CAMTA1: variants seen among roughly 807,000 people sequenced by gnomAD.
The protein encoded by CAMTA1 is calmodulin-binding transcription activator 1.
A neutral mutation model predicts 170.9 loss-of-function variants in CAMTA1; 27 were observed. That is an observed-to-expected ratio of 0.16 (90% CI 0.12 to 0.22). The LOEUF (loss-of-function observed/expected upper bound fraction) is 0.22. CAMTA1 is among the 10% of genes least tolerant of loss of function. The probability of loss-of-function intolerance (pLI) is 1.00; values close to 1 mark genes in which losing one functional copy is unlikely to be tolerated. For missense variants in CAMTA1, 1,619 were observed against 2,217.2 expected (o/e 0.73, Z 5.42); for synonymous variants, 833 against 891.5 (o/e 0.93, Z 1.17).
chr1:7,544,182 A>G (rs1444703457), intron 6 of CAMTA1, among the ~76,000 whole-genome samples: 7 of 152,216 alleles, frequency 4.6e-5, no homozygotes, highest in East Asian at 3.8e-4. Context: ...GGTGGGAAGC[A>G]AAAGGCACTT....
At chr1:6,888,218 G>A (rs149068330) in intron 3 of CAMTA1, 40 of 985,962 alleles carry the variant, frequency 4.1e-5, no homozygotes, top group East Asian at 3.4e-4. Flanking sequence ...GGTCACTTGC[G>A]TCGCATCCTT....
intron 5 of CAMTA1, among the ~76,000 whole-genome samples, chr1:7,414,737 G>T (rs2091039081): frequency 6.6e-6 from 1 of 151,708 alleles, no homozygotes; most frequent in African/African-American, 2.4e-5. Flanking sequence ...TTTTTGAAGG[G>T]TTTTTTGTGT....
intron 3 of CAMTA1, among the ~76,000 whole-genome samples, chr1:6,948,170 C>T (rs1687870116): frequency 6.6e-6 from 1 of 152,124 alleles, no homozygotes; most frequent in South Asian, 2.1e-4. Flanking sequence ...AAGTAAGTTG[C>T]CCAAGGGTGT....
chr1:7,147,266 AAAAC>A (rs1474743521), intron 4 of CAMTA1, among the ~76,000 whole-genome samples: 3 of 152,088 alleles, frequency 2.0e-5, no homozygotes, highest in African/African-American at 7.2e-5. Flanking sequence ...TAAAAATACA[AAAAC>A]AAAATTAGCT....
At chr1:7,153,058 G>GCT (rs2148699428) in intron 4 of CAMTA1, among the ~76,000 whole-genome samples, 1 of 152,354 alleles carries the variant, frequency 6.6e-6, no homozygotes, top group Non-Finnish European at 1.5e-5. Context: ...GACACTTGAA[G>GCT]CAAGTTAGGT....
rs534614952 is a variant in CAMTA1 at position 7,606,372 on chromosome 1, G to A, written c.511-34028G>A. Reference sequence around the variant, plus strand: ...GATGGCACTTGTTGGGCAGCAATGTGTGACACTCCCTCTAGAGGCTCAGAT... The same window carrying A: ...GATGGCACTTGTTGGGCAGCAATGTATGACACTCCCTCTAGAGGCTCAGAT... On this transcript the variant is annotated intron_variant, in intron 6 of 22. Transcript: ENST00000303635. Among the ~76,000 whole-genome samples the A allele has an allele frequency of 6.2e-4, 94 of 152,318 alleles. 1 individual carries two copies. Among genetic ancestry groups the A allele is most frequent in the South Asian group, 1.9e-3 (9 of 4,822 alleles).
intron 11 of CAMTA1, among the ~76,000 whole-genome samples, chr1:7,730,990 T>C (rs1477719835): frequency 4.6e-5 from 7 of 151,892 alleles, no homozygotes; most frequent in Admixed American, 4.6e-4. Flanking sequence ...TATATAGATA[T>C]ACATATATGA....
chr1:7,769,686 A>G lies in CAMTA1; in HGVS notation c.*3195A>G, dbSNP rs2097044948. 3 of 152,458 alleles carry G rather than the reference A, an allele frequency of 2.0e-5. No homozygotes were observed. The highest frequency in any genetic ancestry group is 2.0e-4 in the Admixed American group (3 of 15,288). The allele number at this position is 152,458 out of a possible 1,614,324, so 9.4% of individuals were successfully genotyped here. A position where few individuals can be genotyped will look rare whatever the true frequency, so the allele number is the denominator to read the frequency against. ...TATATTCTTTCTGCTGTAAATTAAAAATGAAGAAAATTTCCCCATACTACG... is the reference window on the plus strand; with the variant it reads ...TATATTCTTTCTGCTGTAAATTAAAGATGAAGAAAATTTCCCCATACTACG... On this transcript the variant is annotated 3_prime_UTR_variant, in exon 23 of 23. Coordinates refer to ENST00000303635, the MANE Select transcript of CAMTA1 (RefSeq NM_015215.4).
At chr1:7,118,706 G>A (rs1443725568) in intron 4 of CAMTA1, among the ~76,000 whole-genome samples, 1 of 152,154 alleles carries the variant, frequency 6.6e-6, no homozygotes. Flanking sequence ...CGGTGCGCTA[G>A]ATGAATAGCA....
Position 7,090,524 on chromosome 1 carries a change from G to A in CAMTA1, c.235-780G>A, listed in dbSNP as rs149838034. On this transcript the variant is annotated intron_variant, in intron 3 of 22. Coordinates refer to ENST00000303635, the MANE Select transcript of CAMTA1 (RefSeq NM_015215.4). ...CATGTTAGCAGATCCTTTCGGAGGT[G>A]GAAGTAATGGGCCATATCATGCCTC... 4.6e-5 allele frequency among the ~76,000 whole-genome samples: 7 copies of A among 152,286 alleles called. No homozygotes were observed. The East Asian group carries it at 7.7e-4, about 17-fold the overall frequency.
chr1:6,806,996 C>T (rs1226095354), intron 1 of CAMTA1: 1 of 639,240 alleles, frequency 1.6e-6, no homozygotes, highest in Middle Eastern at 2.4e-4. Context: ...CAAGGAAGGA[C>T]AGACCCAGTC....
At chr1:7,501,780 G>A (rs1304259872) in intron 6 of CAMTA1, among the ~76,000 whole-genome samples, 2 of 152,066 alleles carry the variant, frequency 1.3e-5, no homozygotes, top group Non-Finnish European at 2.9e-5. Context: ...CTTTCACACC[G>A]ATTTCATCCA....
chr1:7,025,595 C>A (rs1430199658), intron 3 of CAMTA1, among the ~76,000 whole-genome samples: 1 of 152,164 alleles, frequency 6.6e-6, no homozygotes, highest in South Asian at 2.1e-4. Flanking sequence ...GGAGAGAAAG[C>A]TGAATAATTC....
At chr1:7,520,548 CT>C (rs1317245691) in intron 6 of CAMTA1, among the ~76,000 whole-genome samples, 2 of 151,632 alleles carry the variant, frequency 1.3e-5, no homozygotes, top group Admixed American at 1.3e-4. Context: ...GTGGGAGTGT[CT>C]CTCCCACAGA....
At chr1:7,606,510 G>A (rs1262917061) in intron 6 of CAMTA1, among the ~76,000 whole-genome samples, 1 of 152,080 alleles carries the variant, frequency 6.6e-6, no homozygotes, top group Non-Finnish European at 1.5e-5. Flanking sequence ...TTATTTTCTT[G>A]AACAATTACC....
chr1:7,500,827 C>T (rs966528810), intron 6 of CAMTA1, among the ~76,000 whole-genome samples: 2 of 152,098 alleles, frequency 1.3e-5, no homozygotes, highest in Admixed American at 6.5e-5. Flanking sequence ...CAGCAAGTCT[C>T]GGTGACATCA....
At chr1:7,139,125 T>G (rs981047867) in intron 4 of CAMTA1, among the ~76,000 whole-genome samples, 4 of 111,152 alleles carry the variant, frequency 3.6e-5, no homozygotes, top group Non-Finnish European at 7.1e-5. Flanking sequence ...AAATATATTT[T>G]TATAAATATA....
At chr1:7,405,319 C>T (rs1158078124) in intron 5 of CAMTA1, among the ~76,000 whole-genome samples, 1 of 152,068 alleles carries the variant, frequency 6.6e-6, no homozygotes, top group African/African-American at 2.4e-5. Context: ...TCTCTGATTT[C>T]ACTATATACA....
intron 21 of CAMTA1, among the ~76,000 whole-genome samples, chr1:7,753,720 G>A (rs1209924577): frequency 8.5e-5 from 13 of 152,124 alleles, no homozygotes; most frequent in Non-Finnish European, 1.2e-4. Flanking sequence ...TTAAAAAACG[G>A]CATTCACTAA....
Sources: gnomAD v4.1 joint callset for allele counts (sites outside exome capture counted in the v4.1 genomes callset) on GRCh38, gnomAD v4.1.1 for gene constraint, MANE v1.5 for transcripts, NCBI Gene and HGNC (gene_info 2026-07-23, HGNC 2026-07-21) for gene names.